The following RNF222 variants were observed in gnomAD, a reference collection of about 807,000 sequenced individuals.
RNF222 encodes RING finger protein LOC643904.
Under a neutral mutation model 10.8 loss-of-function variants are expected in RNF222, and 14 were observed. The observed-to-expected ratio is 1.30, with a 90% confidence interval of 0.86 to 2.03. The LOEUF is 2.03. RNF222 is among the 30% of genes most tolerant of loss of function. The probability of loss-of-function intolerance (pLI) is 0.00; values close to 1 mark genes in which losing one functional copy is unlikely to be tolerated. For missense variants in RNF222, 298 were observed against 295.8 expected, an observed-to-expected ratio of 1.01 and a Z score of -0.06; for synonymous variants, 141 against 142.5, an observed-to-expected ratio of 0.99 and a Z score of 0.07.
chr17:8,396,330 T>C (rs1908036020), intron 1 of RNF222, among the ~76,000 whole-genome samples: 1 of 152,094 alleles, frequency 6.6e-6, no homozygotes, highest in South Asian at 2.1e-4. Context: ...TAGAACATTG[T>C]TAGAATCAGC....
chr17:8,393,638 C>T (rs1907945887), intron 2 of RNF222, 152 bp from the exon 3 acceptor site: 2 of 1,155,708 alleles, frequency 1.7e-6, no homozygotes, highest in Admixed American at 2.9e-5. Flanking sequence ...TCTTCTGCTG[C>T]TCCTCCTCTA....
At chr17:8,396,771 C>G (rs143655623) in intron 1 of RNF222, among the ~76,000 whole-genome samples, 2 of 152,212 alleles carry the variant, frequency 1.3e-5, no homozygotes, top group African/African-American at 4.8e-5. Flanking sequence ...CTCTGCCTCT[C>G]TCGCTTTCTG....
At position 8,393,076 on chromosome 17, in the gene RNF222, G is replaced by T. The variant is rs1306744170; in HGVS notation, c.386C>A (p.Pro129Gln). The T allele has an allele frequency of 6.7e-7, 1 of 1,492,766 alleles. No individual in the cohort carries two copies. The highest frequency in any genetic ancestry group is 1.4e-5 in the African/African-American group (1 of 71,760). The allele number at this position is 1,492,766 out of a possible 1,614,324, so 92.5% of individuals were successfully genotyped here. Residue 129 changes from proline to glutamine, a missense_variant, in exon 3 of 3, where the codon CCG becomes CAG. Transcript: ENST00000399398. ...CAGGGGGAGCTGGGCGCTCTGGCCC[G>T]GGCTGCCTGGCGGCCTGGCCTGGCC... ...PPGQARPPGSPGQSAQLPLDL... is the reference protein window; with the variant it reads ...PPGQARPPGSQGQSAQLPLDL...
intron 1 of RNF222, among the ~76,000 whole-genome samples, chr17:8,397,011 G>A (rs994819758): frequency 6.6e-6 from 1 of 152,050 alleles, no homozygotes; most frequent in Non-Finnish European, 1.5e-5. Flanking sequence ...CCAGTATTGA[G>A]CTAATAATAA....
rs201216037 is a variant in RNF222 at position 8,394,035 on chromosome 17, A to G, written c.-26+143T>C. The G allele has an allele frequency of 2.6e-3, 398 of 153,980 alleles. 1 individual carries two copies. The highest frequency in any genetic ancestry group is 4.5e-3 in the Non-Finnish European group (309 of 69,042). 9.5% of individuals were successfully genotyped at this position (153,980 alleles called of 1,614,324 possible). A position where few individuals can be genotyped will look rare whatever the true frequency, so the allele number is the denominator to read the frequency against. On this transcript the variant is annotated intron_variant, in intron 2 of 2. Coordinates refer to ENST00000399398, the MANE Select transcript of RNF222 (RefSeq NM_001146684.3). ...TTGGCGGGTCCATTGGATTTCCTCC[A>G]GCCATTGGATTGCATTCCTCTGTGC...
intron 1 of RNF222, among the ~76,000 whole-genome samples, chr17:8,396,067 AT>A (rs1189649938): frequency 6.6e-6 from 1 of 152,184 alleles, no homozygotes; most frequent in Non-Finnish European, 1.5e-5. Context: ...TGAAAAAGAT[AT>A]TTTTTTGAAA....
rs1007675533 is a variant in RNF222, at chr17:8,391,992, C to G, written c.*807G>C. The G allele has an allele frequency of 2.0e-5, 3 of 152,298 alleles. No homozygotes were observed. Among genetic ancestry groups the G allele is most frequent in the African/African-American group, 7.2e-5 (3 of 41,438 alleles). The allele number at this position is 152,298 out of a possible 1,614,324, so 9.4% of individuals were successfully genotyped here. A position where few individuals can be genotyped will look rare whatever the true frequency, so the allele number is the denominator to read the frequency against. On this transcript the variant is annotated 3_prime_UTR_variant, in exon 3 of 3. Coordinates refer to ENST00000399398, the MANE Select transcript of RNF222 (RefSeq NM_001146684.3). ...CATAGTTCTCAGCTGACTCAAGGCT[C>G]GCCTGTCAGGCTTCCCCTCCACTCC...
chr17:8,393,057 G>A lies in RNF222; in HGVS notation c.405C>T (p.Leu135=), dbSNP rs1161011006. Residue 135 remains leucine (L), a synonymous_variant, in exon 3 of 3, where the codon CTC becomes CTT. Transcript: ENST00000399398. ...GCAGGCTGGGCAGCAGGTCCAGGGG[G>A]AGCTGGGCGCTCTGGCCCGGGCTGC... ...PPGSPGQSAQ[L]PLDLLPSLPR... 2 of 1,495,780 alleles carry A rather than the reference G, an allele frequency of 1.3e-6. No individual in the cohort carries two copies. The highest frequency in any genetic ancestry group is 1.3e-5 in the South Asian group (1 of 76,066). 92.7% of individuals were successfully genotyped at this position (1,495,780 alleles called of 1,614,324 possible).
chr17:8,392,430 A>C lies in RNF222; in HGVS notation c.*369T>G. 1 of 237,614 alleles carries C rather than the reference A, an allele frequency of 4.2e-6. No individual in the cohort carries two copies. The highest frequency in any genetic ancestry group is 8.3e-6 in the Non-Finnish European group (1 of 120,524). 14.7% of individuals were successfully genotyped at this position (237,614 alleles called of 1,614,324 possible). A position where few individuals can be genotyped will look rare whatever the true frequency, so the allele number is the denominator to read the frequency against. On this transcript the variant is annotated 3_prime_UTR_variant, in exon 3 of 3. Transcript: ENST00000399398. The surrounding 1 kb of genome is among the most constrained non-coding windows in gnomAD (Gnocchi z 4.3). ...CCAGCCCAGCAGGACGTCTGCCTGC[A>C]GGACTTTCTTGTCCCTGGAGGGGCC...
Position 8,392,890 on chromosome 17 carries a change from G to T in RNF222, c.572C>A (p.Ser191Ter). Residue 191 changes from serine to a stop codon, truncating the protein, a stop_gained, in exon 3 of 3, where the codon TCG (serine) becomes TAG (stop). Coordinates refer to ENST00000399398, the MANE Select transcript of RNF222 (RefSeq NM_001146684.3). LOFTEE classifies it high-confidence loss of function. The surrounding 1 kb of genome is among the most constrained non-coding windows in gnomAD (Gnocchi z 4.3). ...PRSARAFCCRSRALLLITLIA... is the reference protein window; with the variant it reads ...PRSARAFCCR ...GAGCGTGATGAGCAGCAGGGCCCGC[G>T]ATCGGCAGCAGAAGGCGCGGGCGGA... The T allele has an allele frequency of 1.3e-6, 2 of 1,533,180 alleles. No homozygotes were observed. Among genetic ancestry groups the T allele is most frequent in the Non-Finnish European group, 1.7e-6 (2 of 1,145,918 alleles). The allele number at this position is 1,533,180 out of a possible 1,614,324, so 95.0% of individuals were successfully genotyped here.
chr17:8,396,679 A>G (rs117305558), intron 1 of RNF222, among the ~76,000 whole-genome samples: 1 of 151,894 alleles, frequency 6.6e-6, no homozygotes, highest in Non-Finnish European at 1.5e-5. Flanking sequence ...GCTTCCGGAG[A>G]GCCACGCCGT....
At chr17:8,397,391 G>A (rs1033087930) in intron 1 of RNF222, among the ~76,000 whole-genome samples, 10 of 152,052 alleles carry the variant, frequency 6.6e-5, no homozygotes, top group African/African-American at 1.4e-4. Context: ...GCCCATCTCC[G>A]GAACAGAGTG....
Position 8,392,868 on chromosome 17 carries a change from C to G in RNF222, c.594G>C (p.Thr198=), listed in dbSNP as rs1035949359. ...CCRSRALLLI[T]LIAVVAVVAA... Reference sequence around the variant, plus strand: ...CCACCACGGCCACCACAGCGATGAGCGTGATGAGCAGCAGGGCCCGCGATC... The same window carrying G: ...CCACCACGGCCACCACAGCGATGAGGGTGATGAGCAGCAGGGCCCGCGATC... The change falls in exon 3 of 3, where the codon ACG becomes ACC. Residue 198 remains threonine, a synonymous_variant. Transcript: ENST00000399398. The surrounding 1 kb of genome is among the most constrained non-coding windows in gnomAD (Gnocchi z 4.3). 2 of 1,533,344 alleles carry G rather than the reference C, an allele frequency of 1.3e-6. No homozygotes were observed. Among genetic ancestry groups the G allele is most frequent in the Admixed American group, 2.0e-5 (1 of 50,926 alleles). The allele number at this position is 1,533,344 out of a possible 1,614,324, so 95.0% of individuals were successfully genotyped here. A position where few individuals can be genotyped will look rare whatever the true frequency, so the allele number is the denominator to read the frequency against.
intron 1 of RNF222, among the ~76,000 whole-genome samples, chr17:8,394,775 T>C (rs1907988853): frequency 6.6e-6 from 1 of 152,200 alleles, no homozygotes; most frequent in African/African-American, 2.4e-5. Flanking sequence ...TGAGAGCAGA[T>C]TTGTTTGATT....
chr17:8,392,807 G>A lies in RNF222; in HGVS notation c.655C>T (p.Gln219Ter), dbSNP rs1197649563. 18 of 1,531,266 alleles carry A rather than the reference G, an allele frequency of 1.2e-5. No individual in the cohort carries two copies. The highest frequency in any genetic ancestry group is 1.6e-5 in the Non-Finnish European group (18 of 1,145,022). The allele number at this position is 1,531,266 out of a possible 1,614,324, so 94.9% of individuals were successfully genotyped here. The change falls in exon 3 of 3, where the codon CAG (glutamine) becomes TAG (stop). Residue 219 changes from glutamine to a stop codon, truncating the protein, a stop_gained. Transcript: ENST00000399398. LOFTEE classifies it high-confidence loss of function. This position sits in a 1 kb window ranked among gnomAD's most constrained non-coding sequence, Gnocchi z 4.3. ...CCTCCCTGAGGTGCGGCTCACGCCT[G>A]CTTCCTCACCAGCAGCACCCAGGGC... The part of the protein sequence containing the change: ...ILPWVLLVRK[Q>*]A
chr17:8,392,601 G>C lies in RNF222; in HGVS notation c.*198C>G. On this transcript the variant is annotated 3_prime_UTR_variant, in exon 3 of 3. Transcript: ENST00000399398. The surrounding 1 kb of genome is among the most constrained non-coding windows in gnomAD (Gnocchi z 4.3). ...GATTCACGTGGGGAACACGCGCCGC[G>C]CGCATGGAGTCAGCTCCAGCCTCTC... 1 of 625,342 alleles carries C rather than the reference G, an allele frequency of 1.6e-6. No homozygotes were observed. Among genetic ancestry groups the C allele is most frequent in the Non-Finnish European group, 2.7e-6 (1 of 371,412 alleles). The allele number at this position is 625,342 out of a possible 1,614,324, so 38.7% of individuals were successfully genotyped here.
intron 1 of RNF222, among the ~76,000 whole-genome samples, chr17:8,395,602 C>T (rs1188149594): frequency 6.6e-6 from 1 of 152,198 alleles, no homozygotes; most frequent in Non-Finnish European, 1.5e-5. Context: ...TCCCTCTCAT[C>T]CCCAAATGTT....
intron 1 of RNF222, among the ~76,000 whole-genome samples, chr17:8,395,487 G>A (rs958784622): frequency 8.5e-5 from 13 of 152,192 alleles, no homozygotes; most frequent in African/African-American, 3.1e-4. Flanking sequence ...AATGGCAGTT[G>A]TCATTATTAA....
rs991285115 is a variant in RNF222 at position 8,392,074 on chromosome 17, G to T, written c.*725C>A. 1 of 152,338 alleles carries T rather than the reference G, an allele frequency of 6.6e-6. No individual in the cohort carries two copies. Among genetic ancestry groups the T allele is most frequent in the Non-Finnish European group, 1.5e-5 (1 of 68,116 alleles). The allele number at this position is 152,338 out of a possible 1,614,324, so 9.4% of individuals were successfully genotyped here. On this transcript the variant is annotated 3_prime_UTR_variant, in exon 3 of 3. Transcript: ENST00000399398. This position sits in a 1 kb window ranked among gnomAD's most constrained non-coding sequence, Gnocchi z 4.3. ...TTTGGATCCCTCCTTTGGCCTGGAG[G>T]GCTCAGGGAGACCTCTGGCTCCGTT...
Sources: gnomAD v4.1 joint callset for allele counts (sites outside exome capture counted in the v4.1 genomes callset) on GRCh38, gnomAD v4.1.1 for gene constraint, Gnocchi (gnomAD v3.1) non-coding constraint, MANE v1.5 for transcripts, NCBI Gene and HGNC (gene_info 2026-07-23, HGNC 2026-07-21) for gene names.